The following SUSD6 variants were observed in gnomAD, a reference collection of about 807,000 sequenced individuals.
SUSD6 encodes sushi domain-containing protein 6.
SUSD6 carries 16 observed loss-of-function variants against 28.4 expected under a neutral mutation model. The observed-to-expected ratio is 0.56, with a 90% CI of 0.38 to 0.86. SUSD6 has a LOEUF of 0.86. Ranked by LOEUF, SUSD6 falls within the 40% of genes least tolerant of loss-of-function variation. The probability of loss-of-function intolerance (pLI) is 0.00; values close to 1 mark genes in which losing one functional copy is unlikely to be tolerated. For synonymous variants in SUSD6, 147 were observed against 159.6 expected, an observed-to-expected ratio of 0.92 and a Z score of 0.59; for missense variants, 341 against 384.2, an observed-to-expected ratio of 0.89 and a Z score of 0.94.
intron 2 of SUSD6, among the ~76,000 whole-genome samples, chr14:69,689,376 T>C (rs1476020649): frequency 6.6e-6 from 1 of 152,178 alleles, no homozygotes; most frequent in Admixed American, 6.5e-5. Flanking sequence ...AATGGCAGAA[T>C]TAAGCTGAGG....
intron 3 of SUSD6, 95 bp from the exon 4 acceptor site, chr14:69,704,509 A>G: frequency 7.7e-7 from 1 of 1,299,284 alleles, no homozygotes; most frequent in Non-Finnish European, 1.1e-6. Flanking sequence ...GTATTGCACC[A>G]TTCAGGAGGC....
intron 1 of SUSD6, among the ~76,000 whole-genome samples, chr14:69,641,651 G>A (rs1297286910): frequency 6.6e-6 from 1 of 152,026 alleles, no homozygotes; most frequent in African/African-American, 2.4e-5. Flanking sequence ...GTGCAGTGCT[G>A]TGATCATAGC....
At chr14:69,700,966 A>C (rs1337954217) in intron 2 of SUSD6, among the ~76,000 whole-genome samples, 2 of 152,204 alleles carry the variant, frequency 1.3e-5, no homozygotes, top group African/African-American at 2.4e-5. Flanking sequence ...AAAATACTGG[A>C]GAGTATGTTT....
chr14:69,667,543 ATT>A (rs953236694), intron 2 of SUSD6, among the ~76,000 whole-genome samples: 1 of 143,144 alleles, frequency 7.0e-6, no homozygotes. Context: ...CACCCAGCTA[ATT>A]TTTTTTTTTT....
chr14:69,624,673 T>C (rs1885089964), intron 1 of SUSD6, among the ~76,000 whole-genome samples: 1 of 152,192 alleles, frequency 6.6e-6, no homozygotes, highest in Non-Finnish European at 1.5e-5. Context: ...CAGGCTGGTC[T>C]CGAACTCCCG....
chr14:69,706,270 T>C (rs1271208308), intron 4 of SUSD6, among the ~76,000 whole-genome samples: 1 of 152,150 alleles, frequency 6.6e-6, no homozygotes, highest in Non-Finnish European at 1.5e-5. Flanking sequence ...GAGGGAGTTT[T>C]CCCCCCTATA....
At chr14:69,668,095 G>C (rs1595048592) in intron 2 of SUSD6, among the ~76,000 whole-genome samples, 1 of 152,188 alleles carries the variant, frequency 6.6e-6, no homozygotes, top group African/African-American at 2.4e-5. Context: ...GTGTGTGGGG[G>C]CTTCCCACTG....
chr14:69,612,585 G>T (rs994171848), intron 1 of SUSD6, among the ~76,000 whole-genome samples: 2 of 152,156 alleles, frequency 1.3e-5, no homozygotes, highest in African/African-American at 4.8e-5. Flanking sequence ...AGCAGGAGGG[G>T]GAGGTGGTTA....
chr14:69,655,088 C>T (rs1026492054), intron 1 of SUSD6, among the ~76,000 whole-genome samples: 2 of 151,874 alleles, frequency 1.3e-5, no homozygotes, highest in Non-Finnish European at 2.9e-5. Context: ...CCACTGTGCC[C>T]GGCAGTTACC....
intron 1 of SUSD6, among the ~76,000 whole-genome samples, chr14:69,651,687 A>G (rs1173349852): frequency 6.6e-6 from 1 of 152,246 alleles, no homozygotes. Flanking sequence ...GAAGGCATCT[A>G]TAAATAACTG....
chr14:69,679,223 G>T (rs755115307), intron 2 of SUSD6, among the ~76,000 whole-genome samples: 1 of 152,160 alleles, frequency 6.6e-6, no homozygotes, highest in Non-Finnish European at 1.5e-5. Flanking sequence ...TGACAGGGTT[G>T]AAATTATTTT....
At chr14:69,632,124 T>C (rs1304711472) in intron 1 of SUSD6, among the ~76,000 whole-genome samples, 3 of 152,226 alleles carry the variant, frequency 2.0e-5, no homozygotes, top group Non-Finnish European at 4.4e-5. Flanking sequence ...TAAAAAGTTT[T>C]AAGACATGAC....
In SUSD6 at chr14:69,711,057, A is replaced by G. The variant is rs1358271725; in HGVS notation, c.*78A>G. 1.4e-6 allele frequency: 2 copies of G among 1,447,110 alleles called. No individual in the cohort carries two copies. The highest frequency in any genetic ancestry group is 1.9e-6 in the Non-Finnish European group (2 of 1,029,070). The allele number at this position is 1,447,110 out of a possible 1,614,324, so 89.6% of individuals were successfully genotyped here. On this transcript the variant is annotated 3_prime_UTR_variant, in exon 6 of 6. Transcript: ENST00000342745. ...CTCCCTGTGGGATTGAGCACCCTGT[A>G]CTCTCCAGCCACCTTACCTGGATAC...
At chr14:69,640,630 C>A (rs1056188503) in intron 1 of SUSD6, among the ~76,000 whole-genome samples, 18 of 152,198 alleles carry the variant, frequency 1.2e-4, no homozygotes, top group Non-Finnish European at 2.4e-4. Flanking sequence ...AGCCACTGCA[C>A]CTGGTGTGAA....
chr14:69,612,753 C>G (rs1049418088), intron 1 of SUSD6, among the ~76,000 whole-genome samples: 4 of 152,196 alleles, frequency 2.6e-5, no homozygotes, highest in Non-Finnish European at 5.9e-5. Flanking sequence ...CTCTCGCTAA[C>G]TGGGCTCCTG....
At chr14:69,632,190 T>C (rs901824753) in intron 1 of SUSD6, among the ~76,000 whole-genome samples, 4 of 152,202 alleles carry the variant, frequency 2.6e-5, no homozygotes, top group Non-Finnish European at 1.5e-5. Context: ...TGGCAACCCT[T>C]CCAGAGAGCA....
chr14:69,617,773 G>A (rs1031204935), intron 1 of SUSD6: 3 of 152,186 alleles, frequency 2.0e-5, no homozygotes, highest in Non-Finnish European at 4.4e-5. Flanking sequence ...TTCCATGCCA[G>A]GGTTCTGTGC....
chr14:69,704,427 T>TC (rs1886357590), intron 3 of SUSD6, among the ~76,000 whole-genome samples, 177 bp from the exon 4 acceptor site: 1 of 152,190 alleles, frequency 6.6e-6, no homozygotes, highest in Admixed American at 6.5e-5. Flanking sequence ...ATGGTCCTTT[T>TC]CCAAAAGAAC....
chr14:69,670,527 T>C (rs549971208), intron 2 of SUSD6: 1 of 456,626 alleles, frequency 2.2e-6, no homozygotes, highest in East Asian at 6.9e-5. Context: ...TTAACGAGTA[T>C]GGGGAGACAA....
Sources: allele counts gnomAD v4.1 joint callset (sites outside exome capture counted in the v4.1 genomes callset), GRCh38; gene constraint gnomAD v4.1.1; transcripts MANE v1.5; gene names NCBI Gene and HGNC (gene_info 2026-07-23, HGNC 2026-07-21).